Variants in NFIB observed in about 807,000 individuals in gnomAD.
NFIB encodes the protein nuclear factor I B.
In NFIB, 11 loss-of-function variants were observed where a neutral mutation model predicts 61.5. The ratio of observed to expected loss-of-function variants is 0.18; its 90% confidence interval spans 0.11 to 0.30. The LOEUF is 0.30. Among genes scored for constraint, NFIB ranks in the 10% least tolerant of loss-of-function variants. The pLI is 1.00. For missense variants in NFIB, 471 were observed against 608.9 expected (o/e 0.77, Z 2.38); for synonymous variants, 260 against 216.5 (o/e 1.20, Z -1.76).
intron 1 of NFIB, among the ~76,000 whole-genome samples, chr9:14,319,278 G>A (rs1488243512): frequency 6.6e-6 from 1 of 151,704 alleles, no homozygotes; most frequent in Non-Finnish European, 1.5e-5. Context: ...AACACCAACT[G>A]AGCCAGATTC....
intron 2 of NFIB, among the ~76,000 whole-genome samples, chr9:14,276,772 G>C (rs548013597): frequency 4.6e-5 from 7 of 152,146 alleles, no homozygotes; most frequent in African/African-American, 1.4e-4. Flanking sequence ...AGGTTTCTTA[G>C]GGACTGTTTG....
At chr9:14,321,246 G>C (rs1056246405) in intron 1 of NFIB, among the ~76,000 whole-genome samples, 2 of 151,914 alleles carry the variant, frequency 1.3e-5, no homozygotes, top group Admixed American at 1.3e-4. Context: ...CATAGGAAGA[G>C]GAAAAAAATC....
chr9:14,417,186 C>T, the NFIB span, among the ~76,000 whole-genome samples: 170 of 152,212 alleles, frequency 1.1e-3, no homozygotes, highest in Non-Finnish European at 1.5e-3. Context: ...CCACCACACC[C>T]GGCCTTAAAT....
chr9:14,095,084 G>A (rs1205864428), intron 10 of NFIB, among the ~76,000 whole-genome samples: 5 of 151,998 alleles, frequency 3.3e-5, no homozygotes, highest in African/African-American at 7.2e-5. Context: ...TACTGCACTC[G>A]TTTAGTAAAA....
At chr9:14,213,737 C>G (rs2050555332) in intron 2 of NFIB, among the ~76,000 whole-genome samples, 1 of 152,150 alleles carries the variant, frequency 6.6e-6, no homozygotes, top group African/African-American at 2.4e-5. Context: ...AGGTCTCCAC[C>G]CAGATGCATT....
the NFIB span, among the ~76,000 whole-genome samples, chr9:14,418,673 C>G: frequency 5.3e-5 from 8 of 152,070 alleles, no homozygotes; most frequent in African/African-American, 1.7e-4. Context: ...CATATGAAGT[C>G]CAAGAAATCT....
intron 2 of NFIB, among the ~76,000 whole-genome samples, chr9:14,235,257 G>A (rs80331420): frequency 6.6e-6 from 1 of 152,150 alleles, no homozygotes; most frequent in African/African-American, 2.4e-5. Context: ...GATGTTCAAA[G>A]GACATCATTT....
intron 1 of NFIB, among the ~76,000 whole-genome samples, chr9:14,348,757 C>T (rs1424113520): frequency 3.9e-5 from 6 of 152,246 alleles, no homozygotes; most frequent in Non-Finnish European, 8.8e-5. Flanking sequence ...TAGCGAGCTG[C>T]TCCCGCGCCT....
At chr9:14,391,545 T>A (rs570776880) in intron 1 of NFIB, among the ~76,000 whole-genome samples, 2 of 152,052 alleles carry the variant, frequency 1.3e-5, no homozygotes, top group African/African-American at 4.8e-5. Flanking sequence ...CTCAAGCATG[T>A]GCACTAAGAG....
chr9:14,303,308 T>C (rs1300876527), intron 2 of NFIB, among the ~76,000 whole-genome samples: 2 of 152,184 alleles, frequency 1.3e-5, no homozygotes, highest in African/African-American at 4.8e-5. Context: ...ACACTTGTCA[T>C]AGCACACCCT....
chr9:14,409,255 T>C, the NFIB span, among the ~76,000 whole-genome samples: 2 of 152,200 alleles, frequency 1.3e-5, no homozygotes, highest in Non-Finnish European at 2.9e-5. Flanking sequence ...TATAAGCTTA[T>C]ATAATTTAAT....
intron 1 of NFIB, among the ~76,000 whole-genome samples, chr9:14,373,516 T>C (rs566573554): frequency 1.3e-5 from 2 of 151,324 alleles, no homozygotes; most frequent in African/African-American, 4.9e-5. Context: ...CATTGCCAGG[T>C]TTTTTTTTAA....
chr9:14,233,617 A>T (rs1205816427), intron 2 of NFIB, among the ~76,000 whole-genome samples: 1 of 151,748 alleles, frequency 6.6e-6, no homozygotes, highest in East Asian at 1.9e-4. Context: ...TGTAGTAGAG[A>T]CCGGGTTTTG....
chr9:14,138,333 C>A (rs1026423495), intron 6 of NFIB, among the ~76,000 whole-genome samples: 1 of 151,942 alleles, frequency 6.6e-6, no homozygotes, highest in Non-Finnish European at 1.5e-5. Flanking sequence ...TACATGCTTT[C>A]TTCAATAAAT....
At chr9:14,267,932 A>G (rs1473667050) in intron 2 of NFIB, among the ~76,000 whole-genome samples, 1 of 152,184 alleles carries the variant, frequency 6.6e-6, no homozygotes, top group Non-Finnish European at 1.5e-5. Flanking sequence ...CAGGAGTTCA[A>G]GACCAGCCTG....
intron 1 of NFIB, among the ~76,000 whole-genome samples, chr9:14,372,250 C>A (rs2061366687): frequency 6.6e-6 from 1 of 152,102 alleles, no homozygotes; most frequent in African/African-American, 2.4e-5. Flanking sequence ...GAACTGGCCT[C>A]TATAAACATC....
intron 10 of NFIB, among the ~76,000 whole-genome samples, chr9:14,105,625 T>A (rs1261956534): frequency 6.6e-6 from 1 of 152,122 alleles, no homozygotes; most frequent in African/African-American, 2.4e-5. Context: ...GGGTGGGGGA[T>A]GCAATTAAAT....
chr9:14,101,951 AT>A (rs987936347), intron 10 of NFIB, among the ~76,000 whole-genome samples: 1 of 152,156 alleles, frequency 6.6e-6, no homozygotes. Context: ...ACTAACCAAA[AT>A]TTTTTGCTAT....
chr9:14,206,688 T>G, intron 2 of NFIB, among the ~76,000 whole-genome samples: 1 of 107,630 alleles, frequency 9.3e-6, no homozygotes, highest in Non-Finnish European at 1.7e-5. Flanking sequence ...TCAGACAACA[T>G]GCTTTACAAA....
Sources: gnomAD v4.1 joint callset for allele counts (sites outside exome capture counted in the v4.1 genomes callset) on GRCh38, gnomAD v4.1.1 for gene constraint, MANE v1.5 for transcripts, NCBI Gene and HGNC (gene_info 2026-07-23, HGNC 2026-07-21) for gene names.